The following GRIP1 variants were observed in gnomAD, a reference collection of about 807,000 sequenced individuals.
The protein encoded by GRIP1 is glutamate receptor interacting protein 1.
A neutral mutation model predicts 129.9 loss-of-function variants in GRIP1; 45 were observed. The observed-to-expected ratio is 0.35, with a 90% CI of 0.27 to 0.44. The LOEUF (loss-of-function observed/expected upper bound fraction) is 0.44, where lower values mean the gene tolerates loss of function less well. Ranked by LOEUF, GRIP1 falls within the 20% of genes least tolerant of loss-of-function variation. The pLI is 1.00. For synonymous variants in GRIP1, 530 were observed against 520.8 expected, an observed-to-expected ratio of 1.02 and a Z score of -0.24; for missense variants, 1,196 against 1,396.8, an observed-to-expected ratio of 0.86 and a Z score of 2.29.
At chr12:66,784,558 A>T (rs2038259453) in intron 1 of GRIP1, among the ~76,000 whole-genome samples, 1 of 152,162 alleles carries the variant, frequency 6.6e-6, no homozygotes, top group African/African-American at 2.4e-5. Flanking sequence ...TACCCTCTAA[A>T]GCCAGCTTCC....
intron 1 of GRIP1, among the ~76,000 whole-genome samples, chr12:66,613,586 T>A (rs551147672): frequency 6.6e-6 from 1 of 152,200 alleles, no homozygotes; most frequent in Non-Finnish European, 1.5e-5. Flanking sequence ...AGTATCATTA[T>A]CCAGTTTGGC....
intron 1 of GRIP1, among the ~76,000 whole-genome samples, chr12:66,776,963 G>C (rs570874915): frequency 9.2e-5 from 14 of 152,184 alleles, no homozygotes; most frequent in Non-Finnish European, 1.9e-4. Context: ...ACACACATGT[G>C]CAAAGATATG....
At chr12:66,429,912 G>T (rs187699053) in intron 14 of GRIP1, among the ~76,000 whole-genome samples, 2 of 152,118 alleles carry the variant, frequency 1.3e-5, no homozygotes, top group South Asian at 4.1e-4. Flanking sequence ...GAGGTTGAGG[G>T]AATCAGGGCA....
At chr12:66,747,674 G>A (rs1329955801) in intron 1 of GRIP1, among the ~76,000 whole-genome samples, 1 of 152,164 alleles carries the variant, frequency 6.6e-6, no homozygotes, top group South Asian at 2.1e-4. Context: ...TACCCAGCAA[G>A]AGCTAAAGTA....
chr12:66,739,629 C>A (rs1329529953), intron 1 of GRIP1, among the ~76,000 whole-genome samples: 2 of 151,950 alleles, frequency 1.3e-5, no homozygotes, highest in Non-Finnish European at 2.9e-5. Flanking sequence ...ATAGCTAATG[C>A]ATGCTGGGCA....
intron 1 of GRIP1, among the ~76,000 whole-genome samples, chr12:66,598,245 T>G (rs998913832): frequency 3.9e-5 from 6 of 152,206 alleles, no homozygotes; most frequent in Non-Finnish European, 8.8e-5. Context: ...TGATTCATGA[T>G]TTCTTCATAA....
chr12:66,451,421 T>TTTTTTTTC lies in GRIP1; in HGVS notation c.1354+3987_1354+3988insGAAAAAAA, dbSNP rs1565752142. On this transcript the variant is annotated intron_variant, in intron 11 of 24. Transcript: ENST00000359742. ...TTTTTTTTTTTTTTTTTTTTTTTTT[T>TTTTTTTTC]CAGATAGGCTCTCACTCTGTTGCCC... Among the ~76,000 whole-genome samples, 20 of 115,620 alleles carry TTTTTTTTC rather than the reference T, an allele frequency of 1.7e-4. 1 individual carries two copies. Among genetic ancestry groups the TTTTTTTTC allele is most frequent in the African/African-American group, 6.8e-4 (19 of 27,928 alleles). The allele number at this position is 115,620 out of a possible 152,430, so 75.9% of individuals were successfully genotyped here.
intron 2 of GRIP1, among the ~76,000 whole-genome samples, chr12:66,583,244 A>G (rs1470473665): frequency 6.6e-6 from 1 of 151,092 alleles, no homozygotes; most frequent in Non-Finnish European, 1.5e-5. Flanking sequence ...TACACCTTAC[A>G]CAAAAATTAA....
intron 1 of GRIP1, among the ~76,000 whole-genome samples, chr12:66,876,339 C>G (rs1027053500): frequency 6.6e-6 from 1 of 151,996 alleles, no homozygotes; most frequent in African/African-American, 2.4e-5. Context: ...ATTACAAGCA[C>G]TTTATACTCA....
At chr12:66,712,425 G>A (rs1045464557) in intron 1 of GRIP1, among the ~76,000 whole-genome samples, 1 of 151,844 alleles carries the variant, frequency 6.6e-6, no homozygotes, top group Non-Finnish European at 1.5e-5. Flanking sequence ...CATGGCTCAG[G>A]TTTTCTGCTT....
chr12:66,362,568 C>G (rs949285709), intron 23 of GRIP1, among the ~76,000 whole-genome samples: 1 of 151,832 alleles, frequency 6.6e-6, no homozygotes, highest in Non-Finnish European at 1.5e-5. Flanking sequence ...AATGGAGTGA[C>G]CTTCAGAAAG....
intron 24 of GRIP1, among the ~76,000 whole-genome samples, chr12:66,351,089 A>G (rs915818728): frequency 1.3e-5 from 2 of 152,224 alleles, no homozygotes; most frequent in South Asian, 4.1e-4. Context: ...AGTGTCCCCA[A>G]ACTCCTAGGA....
intron 1 of GRIP1, among the ~76,000 whole-genome samples, chr12:66,984,654 C>T (rs1368792223): frequency 6.6e-6 from 1 of 151,754 alleles, no homozygotes; most frequent in East Asian, 1.9e-4. Flanking sequence ...GATAGTCTCA[C>T]TCTCGACCAT....
intron 1 of GRIP1, among the ~76,000 whole-genome samples, chr12:67,054,585 A>G (rs2043402311): frequency 1.3e-5 from 2 of 152,028 alleles, no homozygotes; most frequent in African/African-American, 4.8e-5. Flanking sequence ...CCAAAATGGC[A>G]AAACCCCGTT....
At position 66,348,695 on chromosome 12, in the gene GRIP1, CT is replaced by C. The variant is rs2054087389; in HGVS notation, c.*323del. 2 of 303,430 alleles carry C rather than the reference CT, an allele frequency of 6.6e-6. No individual in the cohort carries two copies. Among genetic ancestry groups the C allele is most frequent in the South Asian group, 1.0e-4 (2 of 19,842 alleles). The allele number at this position is 303,430 out of a possible 1,614,324, so 18.8% of individuals were successfully genotyped here. The stretch of plus-strand genomic sequence containing the variant: ...AGAATATTTTCAAACAGATGTTTCT[CT>C]TTTTAAAAAGTGATAGTAAGATGAA... On this transcript the variant is annotated 3_prime_UTR_variant, in exon 25 of 25. Coordinates refer to ENST00000359742, the MANE Select transcript of GRIP1 (RefSeq NM_001366722.1).
chr12:66,494,560 G>A (rs1565798195), intron 7 of GRIP1, among the ~76,000 whole-genome samples: 1 of 152,126 alleles, frequency 6.6e-6, no homozygotes, highest in Admixed American at 6.6e-5. Flanking sequence ...TCAAGACACA[G>A]TTACTTCATC....
chr12:66,361,338 A>G (rs1468256725), intron 23 of GRIP1, among the ~76,000 whole-genome samples: 1 of 152,126 alleles, frequency 6.6e-6, no homozygotes, highest in Non-Finnish European at 1.5e-5. Context: ...GGGCTCAACA[A>G]TGAGAGAATC....
At chr12:66,687,187 C>A (rs1231587590) in intron 1 of GRIP1, among the ~76,000 whole-genome samples, 1 of 152,110 alleles carries the variant, frequency 6.6e-6, no homozygotes. Flanking sequence ...GGTATCCTAT[C>A]GAGTATATAT....
In GRIP1 at chr12:66,879,897, G is replaced by A. The variant is rs376841658; in HGVS notation, c.58+189153C>T. On this transcript the variant is annotated intron_variant, in intron 1 of 1. Coordinates refer to the GRIP1 transcript ENST00000643019. Reference sequence around the variant, plus strand: ...AAGGAGGGTATGGGAGCCTATGGCCGGCATGTCTAAGGTCCAGATGCCAGA... The same window carrying A: ...AAGGAGGGTATGGGAGCCTATGGCCAGCATGTCTAAGGTCCAGATGCCAGA... 1.1e-4 allele frequency among the ~76,000 whole-genome samples: 17 copies of A among 152,008 alleles called. No homozygotes were observed. The East Asian group carries it at 1.2e-3, about 10-fold the overall frequency.
Sources: gnomAD v4.1 joint callset for allele counts (sites outside exome capture counted in the v4.1 genomes callset) on GRCh38, gnomAD v4.1.1 for gene constraint, MANE v1.5 for transcripts, NCBI Gene and HGNC (gene_info 2026-07-23, HGNC 2026-07-21) for gene names.